Variants in BRAF observed in about 807,000 individuals in gnomAD.
BRAF encodes serine/threonine-protein kinase B-raf.
Under a neutral mutation model 104.6 loss-of-function variants are expected in BRAF, and 16 were observed. The observed-to-expected ratio is 0.15, with a 90% confidence interval of 0.10 to 0.23. The LOEUF is 0.23. Among genes scored for constraint, BRAF ranks in the 10% least tolerant of loss-of-function variants. BRAF has a pLI of 1.00. For synonymous variants in BRAF, 310 were observed against 341.6 expected, an observed-to-expected ratio of 0.91 and a Z score of 1.02; for missense variants, 541 against 937.3, an observed-to-expected ratio of 0.58 and a Z score of 5.52.
At chr7:140,841,153 AT>A (rs1380006597) in intron 2 of BRAF, among the ~76,000 whole-genome samples, 1 of 152,212 alleles carries the variant, frequency 6.6e-6, no homozygotes, top group Non-Finnish European at 1.5e-5. Flanking sequence ...ATTATTAGTC[AT>A]TAGGAAACTG....
At chr7:140,879,339 G>A (rs534662356) in intron 1 of BRAF, among the ~76,000 whole-genome samples, 7 of 151,670 alleles carry the variant, frequency 4.6e-5, no homozygotes, top group East Asian at 1.9e-4. Context: ...GCACCACCAC[G>A]CCCAGCTAAT....
chr7:140,847,874 GC>G (rs1203268021), intron 2 of BRAF, among the ~76,000 whole-genome samples: 1 of 152,006 alleles, frequency 6.6e-6, no homozygotes, highest in African/African-American at 2.4e-5. Context: ...TTATACTGCT[GC>G]CTTCAGTGTG....
chr7:140,824,599 C>T (rs1016452263), intron 3 of BRAF, among the ~76,000 whole-genome samples: 5 of 150,920 alleles, frequency 3.3e-5, no homozygotes, highest in South Asian at 2.1e-4. Context: ...TTTGGCTATA[C>T]GGGATTCCTT....
rs146262016 is a variant in BRAF, at chr7:140,779,542, T to C, written c.1553-1467A>G. Among the ~76,000 whole-genome samples the C allele has an allele frequency of 8.5e-5, 13 of 152,354 alleles. 1 individual carries two copies. The highest frequency in any genetic ancestry group is 3.1e-4 in the African/African-American group (13 of 41,586). The stretch of plus-strand genomic sequence containing the variant: ...CAGTTTAACATCCCTAATCCAAACA[T>C]ATGAAATCCTCCAATAAGCATTTCC... On this transcript the variant is annotated intron_variant, in intron 12 of 19. Transcript: ENST00000644969.
rs758138791 is a variant in BRAF, at chr7:140,722,850, G to T, written c.*3644C>A. 570 of 1,053,222 alleles carry T rather than the reference G, an allele frequency of 5.4e-4. 1 individual carries two copies. Among genetic ancestry groups the T allele is most frequent in the Non-Finnish European group, 6.1e-4 (536 of 871,852 alleles). The allele number at this position is 1,053,222 out of a possible 1,614,324, so 65.2% of individuals were successfully genotyped here. ...TGACTCAAGGTTAAGATTCTGAAACGTACCCCTAAACCGGTTCTGGCACCA... is the reference window on the plus strand; with the variant it reads ...TGACTCAAGGTTAAGATTCTGAAACTTACCCCTAAACCGGTTCTGGCACCA... On this transcript the variant is annotated 3_prime_UTR_variant, in exon 20 of 20. Transcript: ENST00000644969.
chr7:140,861,237 G>A (rs1393505679), intron 1 of BRAF, among the ~76,000 whole-genome samples: 1 of 152,188 alleles, frequency 6.6e-6, no homozygotes, highest in Non-Finnish European at 1.5e-5. Context: ...TACAGAGAAA[G>A]TTCACAGTCA....
At position 140,772,179 on chromosome 7, in the gene BRAF, C is replaced by T. The variant is rs149504061; in HGVS notation, c.1814+4733G>A. Among the ~76,000 whole-genome samples, 1,160 of 152,176 alleles carry T rather than the reference C, an allele frequency of 7.6e-3. 18 individuals are homozygous for T. The highest frequency in any genetic ancestry group is 0.026 in the African/African-American group (1,096 of 41,510). On this transcript the variant is annotated intron_variant, in intron 14 of 19. Transcript: ENST00000644969. ...TTAAAATCTGTTACAAAATCAGCAG[C>T]AACAGTTAGGATTTGAAGAACCAGT... is the stretch of plus-strand genomic sequence containing the variant.
chr7:140,853,205 C>T (rs2129075889), intron 1 of BRAF, among the ~76,000 whole-genome samples: 1 of 149,694 alleles, frequency 6.7e-6, no homozygotes, highest in East Asian at 2.0e-4. Flanking sequence ...TAGTAGGACC[C>T]TGTATCTACA....
At chr7:140,728,252 A>G (rs1795725534) in intron 19 of BRAF, among the ~76,000 whole-genome samples, 1 of 152,190 alleles carries the variant, frequency 6.6e-6, no homozygotes, top group Non-Finnish European at 1.5e-5. Flanking sequence ...CAGGGTTTAG[A>G]GTGGTCAAGT....
At position 140,836,752 on chromosome 7, in the gene BRAF, G is replaced by A. The variant is rs145437984; in HGVS notation, c.241-1880C>T. On this transcript the variant is annotated intron_variant, in intron 2 of 19. Coordinates refer to ENST00000644969, the MANE Select transcript of BRAF (RefSeq NM_001374258.1). ...ACTCAGTAAATATATACTGATACAT[G>A]TGCTTGGCACTGTTAGGGCTCAGAC... Among the ~76,000 whole-genome samples, 7 of 152,058 alleles carry A rather than the reference G, an allele frequency of 4.6e-5. No individual in the cohort carries two copies. The East Asian group carries it at 1.2e-3, about 25-fold the overall frequency.
chr7:140,856,598 C>T (rs1384554856), intron 1 of BRAF, among the ~76,000 whole-genome samples: 4 of 151,940 alleles, frequency 2.6e-5, no homozygotes, highest in Admixed American at 6.6e-5. Context: ...CCTCAGGTAA[C>T]GTAAAACAGA....
At chr7:140,912,220 C>T (rs1034578179) in intron 1 of BRAF, among the ~76,000 whole-genome samples, 1 of 152,162 alleles carries the variant, frequency 6.6e-6, no homozygotes, top group Non-Finnish European at 1.5e-5. Flanking sequence ...TCCCATACTG[C>T]TGCGGAGCTA....
At position 140,719,985 on chromosome 7, in the gene BRAF, T is replaced by C. The variant is rs1224305857; in HGVS notation, c.*6509A>G. 1.9e-6 allele frequency: 2 copies of C among 1,062,614 alleles called. No homozygotes were observed. The highest frequency in any genetic ancestry group is 4.6e-5 in the South Asian group (1 of 21,950). The allele number at this position is 1,062,614 out of a possible 1,614,324, so 65.8% of individuals were successfully genotyped here. A position where few individuals can be genotyped will look rare whatever the true frequency, so the allele number is the denominator to read the frequency against. On this transcript the variant is annotated 3_prime_UTR_variant, in exon 20 of 20. Transcript: ENST00000644969. The stretch of plus-strand genomic sequence containing the variant: ...CACTGCAGTTCAAACAGGAAGCATC[T>C]CCCTTTCCTCTCCCTTACAGGAGTC...
At chr7:140,807,344 T>G (rs762380805) in intron 5 of BRAF, among the ~76,000 whole-genome samples, 41 of 152,074 alleles carry the variant, frequency 2.7e-4, no homozygotes, top group Non-Finnish European at 5.3e-4. Flanking sequence ...ATACAAAAAC[T>G]TAAATGTCTA....
intron 19 of BRAF, among the ~76,000 whole-genome samples, chr7:140,726,731 A>G (rs769126397): frequency 2.5e-4 from 38 of 152,248 alleles, no homozygotes; most frequent in Non-Finnish European, 1.3e-4. Flanking sequence ...TCAATTAAAT[A>G]GCAAGTCTGC....
In BRAF at chr7:140,746,516, C is replaced by T. The variant is rs540200034; in HGVS notation, c.2112+2771G>A. On this transcript the variant is annotated intron_variant, in intron 17 of 19. Coordinates refer to ENST00000644969, the MANE Select transcript of BRAF (RefSeq NM_001374258.1). ...CTGGAAGAAATTCTTAGCCGAATTC[C>T]CTTATTTTGCAGGTAATTGAAAAAA... Among the ~76,000 whole-genome samples the T allele has an allele frequency of 2.0e-5, 3 of 152,070 alleles. No homozygotes were observed. The Middle Eastern group carries it at 0.01, about 517-fold the overall frequency.
At position 140,739,713 on chromosome 7, in the gene BRAF, C is replaced by T. The variant is rs576801042; in HGVS notation, c.2247+99G>A. ...TTGTCTGGAGTCTGCACATAGAATC[C>T]AAACTCATGAAATACACACTGTGTG... On this transcript the variant is annotated intron_variant, in intron 18 of 19. Transcript: ENST00000644969. The T allele has an allele frequency of 4.0e-4, 568 of 1,424,488 alleles. 1 individual carries two copies. Among genetic ancestry groups the T allele is most frequent in the South Asian group, 5.1e-4 (44 of 85,754 alleles). 88.2% of individuals were successfully genotyped at this position (1,424,488 alleles called of 1,614,324 possible).
At chr7:140,841,470 A>G (rs538415432) in intron 2 of BRAF, among the ~76,000 whole-genome samples, 15 of 152,354 alleles carry the variant, frequency 9.8e-5, no homozygotes, top group African/African-American at 3.6e-4. Context: ...TCATAATGGC[A>G]AAAACATATA....
Position 140,753,393 on chromosome 7 carries a change from T to G in BRAF, c.1862A>C (p.Asn621Thr), listed in dbSNP as rs121913370. ...TGTGAGGTCTTCATGAAGAAATATATCTGAGGTGTAGTAAGTAAAGGAAAA... is the reference window on the plus strand; with the variant it reads ...TGTGAGGTCTTCATGAAGAAATATAGCTGAGGTGTAGTAAGTAAAGGAAAA... ...SIIHRDLKSN[N>T]IFLHEDLTVK... The change falls in exon 16 of 20, where the codon AAT (asparagine) becomes ACT (threonine). Residue 621 changes from asparagine (N) to threonine (T), a missense_variant and splice_region_variant. Coordinates refer to ENST00000644969, the MANE Select transcript of BRAF (RefSeq NM_001374258.1). 1 of 1,573,802 alleles carries G rather than the reference T, an allele frequency of 6.4e-7. No individual in the cohort carries two copies. Among genetic ancestry groups the G allele is most frequent in the Non-Finnish European group, 8.7e-7 (1 of 1,143,670 alleles).
Sources: gnomAD v4.1 joint callset for allele counts (sites outside exome capture counted in the v4.1 genomes callset) on GRCh38, gnomAD v4.1.1 for gene constraint, MANE v1.5 for transcripts, NCBI Gene and HGNC (gene_info 2026-07-23, HGNC 2026-07-21) for gene names.